TMEM178A: variants seen among roughly 807,000 people sequenced by gnomAD.
TMEM178A encodes transmembrane protein 178.
In TMEM178A, 12 loss-of-function variants were observed where a neutral mutation model predicts 29.1. The ratio of observed to expected loss-of-function variants is 0.41; its 90% CI spans 0.26 to 0.67. TMEM178A has a LOEUF of 0.67. Among genes scored for constraint, TMEM178A ranks in the 30% least tolerant of loss-of-function variants. TMEM178A has a pLI of 0.29. For synonymous variants in TMEM178A, 210 were observed against 187.2 expected, an observed-to-expected ratio of 1.12 and a Z score of -0.99; for missense variants, 366 against 419.1, an observed-to-expected ratio of 0.87 and a Z score of 1.11.
Position 39,666,020 on chromosome 2 carries a change from C to A in TMEM178A, c.46C>A (p.Leu16Met). ...LVTALSLGLS[L>M]CSLGLLVTAI... ...CACGGCGCTCAGCCTCGGCCTCAGC[C>A]TGTGCTCCCTGGGGCTGCTCGTCAC... The change falls in exon 1 of 4, where the codon CTG (leucine) becomes ATG (methionine). Residue 16 changes from leucine (L) to methionine (M), a missense_variant. Around this residue, in one of 2 missense-constraint regions of TMEM178A, gnomAD observed 247 missense variants for 246.8 expected, o/e 1.00. Transcript: ENST00000281961. 2 of 1,539,554 alleles carry A rather than the reference C, an allele frequency of 1.3e-6. No homozygotes were observed. Among genetic ancestry groups the A allele is most frequent in the Admixed American group, 2.0e-5 (1 of 50,428 alleles).
chr2:39,688,451 G>A (rs527855734), intron 1 of TMEM178A, among the ~76,000 whole-genome samples: 28 of 152,330 alleles, frequency 1.8e-4, no homozygotes, highest in African/African-American at 6.7e-4. Flanking sequence ...TGCCACTAAT[G>A]GCTTTGGGAT....
chr2:39,709,560 C>T lies in TMEM178A; in HGVS notation c.652+2374C>T, dbSNP rs1042026665. Reference sequence around the variant, plus strand: ...TTAAAATCCAAATTATAGACTAAAGCAGACGCGGGCAGCAAAGAACCAGAG... The same window carrying T: ...TTAAAATCCAAATTATAGACTAAAGTAGACGCGGGCAGCAAAGAACCAGAG... On this transcript the variant is annotated intron_variant, in intron 3 of 3. Coordinates refer to ENST00000281961, the MANE Select transcript of TMEM178A (RefSeq NM_152390.3). Among the ~76,000 whole-genome samples, 4 of 152,196 alleles carry T rather than the reference C, an allele frequency of 2.6e-5. 1 individual carries two copies. Among genetic ancestry groups the T allele is most frequent in the Non-Finnish European group, 5.9e-5 (4 of 68,036 alleles).
intron 1 of TMEM178A, among the ~76,000 whole-genome samples, chr2:39,684,659 C>T (rs1192888016): frequency 6.6e-6 from 1 of 152,214 alleles, no homozygotes; most frequent in Non-Finnish European, 1.5e-5. Context: ...CCTTCTGCAG[C>T]TCCTGATAAC....
intron 1 of TMEM178A, among the ~76,000 whole-genome samples, chr2:39,690,847 A>T (rs1558452619): frequency 6.6e-6 from 1 of 152,260 alleles, no homozygotes; most frequent in South Asian, 2.1e-4. Context: ...GAAATCAGGA[A>T]TACGATACTG....
At chr2:39,688,237 A>G (rs1381148635) in intron 1 of TMEM178A, among the ~76,000 whole-genome samples, 3 of 152,400 alleles carry the variant, frequency 2.0e-5, no homozygotes, top group East Asian at 3.8e-4. Context: ...AACATGCTAT[A>G]TAATCAATAA....
chr2:39,704,010 T>A (rs1671912715), intron 1 of TMEM178A, 71 bp from the exon 2 acceptor site: 1 of 1,332,952 alleles, frequency 7.5e-7, no homozygotes, highest in South Asian at 1.3e-5. Context: ...GGTTACGGTA[T>A]TCTGCCTCAG....
At chr2:39,733,645 C>T in the TMEM178A span, among the ~76,000 whole-genome samples, 3 of 152,092 alleles carry the variant, frequency 2.0e-5, no homozygotes, top group Admixed American at 2.0e-4. Flanking sequence ...TTAACTGTGC[C>T]AATATTTTCA....
At chr2:39,725,855 C>G in the TMEM178A span, among the ~76,000 whole-genome samples, 1 of 152,028 alleles carries the variant, frequency 6.6e-6, no homozygotes, top group Non-Finnish European at 1.5e-5. Flanking sequence ...GTTCTAGGGC[C>G]TCGGCAAAAA....
At chr2:39,693,963 C>G (rs1238782424) in intron 1 of TMEM178A, among the ~76,000 whole-genome samples, 7 of 149,188 alleles carry the variant, frequency 4.7e-5, no homozygotes, top group Non-Finnish European at 1.0e-4. Context: ...ATTCCTCAGC[C>G]ACCTTTTTTT....
intron 1 of TMEM178A, among the ~76,000 whole-genome samples, chr2:39,694,605 G>A (rs911842154): frequency 5.3e-5 from 8 of 152,132 alleles, no homozygotes; most frequent in African/African-American, 1.4e-4. Flanking sequence ...GAAGCCACAT[G>A]AGACTATTGA....
At chr2:39,727,821 T>C in the TMEM178A span, among the ~76,000 whole-genome samples, 2 of 151,742 alleles carry the variant, frequency 1.3e-5, no homozygotes, top group African/African-American at 4.9e-5. Context: ...TGTTTGGTTT[T>C]CTGTCCCTGT....
chr2:39,730,011 G>A, the TMEM178A span, among the ~76,000 whole-genome samples: 1 of 151,948 alleles, frequency 6.6e-6, no homozygotes, highest in Non-Finnish European at 1.5e-5. Flanking sequence ...GTCTCATCTC[G>A]GGTCTTGGTA....
chr2:39,733,471 T>A, the TMEM178A span, among the ~76,000 whole-genome samples: 1 of 152,166 alleles, frequency 6.6e-6, no homozygotes, highest in African/African-American at 2.4e-5. Flanking sequence ...CTTTTTCTGG[T>A]TCATCTTGGC....
At chr2:39,709,275 T>A (rs1054169842) in intron 3 of TMEM178A, among the ~76,000 whole-genome samples, 2 of 152,156 alleles carry the variant, frequency 1.3e-5, no homozygotes, top group Admixed American at 6.5e-5. Flanking sequence ...CTCACCCCTA[T>A]CCCACTCCAC....
intron 1 of TMEM178A, among the ~76,000 whole-genome samples, chr2:39,694,252 T>G (rs1490483661): frequency 3.3e-5 from 5 of 152,040 alleles, no homozygotes; most frequent in Non-Finnish European, 1.5e-5. Flanking sequence ...AGATGAACTG[T>G]CATTGTCTAT....
chr2:39,708,609 G>A (rs1672156594), intron 3 of TMEM178A, among the ~76,000 whole-genome samples: 1 of 151,002 alleles, frequency 6.6e-6, no homozygotes, highest in African/African-American at 2.4e-5. Flanking sequence ...AGTAGAGACG[G>A]GGTTTCACCG....
the TMEM178A span, among the ~76,000 whole-genome samples, chr2:39,730,054 C>G: frequency 2.0e-5 from 3 of 152,314 alleles, no homozygotes. Flanking sequence ...TCTAGACATA[C>G]CTCTCTCTGA....
chr2:39,706,026 A>C (rs1376941926), intron 2 of TMEM178A, among the ~76,000 whole-genome samples: 1 of 152,252 alleles, frequency 6.6e-6, no homozygotes, highest in Non-Finnish European at 1.5e-5. Flanking sequence ...TAAATAGAAA[A>C]GATTCAAAAG....
At chr2:39,715,479 A>G (rs1672496506) in intron 3 of TMEM178A, among the ~76,000 whole-genome samples, 1 of 152,112 alleles carries the variant, frequency 6.6e-6, no homozygotes, top group African/African-American at 2.4e-5. Context: ...TCTTTTTTGA[A>G]TGGCCCATTA....
Sources: allele counts gnomAD v4.1 joint callset (sites outside exome capture counted in the v4.1 genomes callset), GRCh38; gene constraint gnomAD v4.1.1; regional missense constraint gnomAD v4.1.1; transcripts MANE v1.5; gene names NCBI Gene and HGNC (gene_info 2026-07-23, HGNC 2026-07-21).